Variants in ERBB4 observed in about 807,000 individuals in gnomAD.
ERBB4 encodes erb-b2 receptor tyrosine kinase 4.
ERBB4 carries 42 observed loss-of-function variants against 158.0 expected under a neutral mutation model. The ratio of observed to expected loss-of-function variants is 0.27; its 90% CI spans 0.21 to 0.34. The LOEUF (loss-of-function observed/expected upper bound fraction) is 0.34, where lower values mean the gene tolerates loss of function less well. ERBB4 is among the 10% of genes least tolerant of loss of function. The pLI is 1.00. For synonymous variants in ERBB4, 583 were observed against 558.7 expected, an observed-to-expected ratio of 1.04 and a Z score of -0.61; for missense variants, 1,333 against 1,624.1, an observed-to-expected ratio of 0.82 and a Z score of 3.08.
intron 3 of ERBB4, among the ~76,000 whole-genome samples, chr2:211,850,713 G>A (rs909744273): frequency 6.6e-6 from 1 of 151,904 alleles, no homozygotes; most frequent in Non-Finnish European, 1.5e-5. Context: ...GTAGGTATTT[G>A]ACATGTAGGG....
chr2:212,040,195 T>C, intron 2 of ERBB4, among the ~76,000 whole-genome samples: 1 of 152,162 alleles, frequency 6.6e-6, no homozygotes, highest in South Asian at 2.1e-4. Context: ...ATGAGTCTTT[T>C]TGCTTTAATT....
intron 1 of ERBB4, among the ~76,000 whole-genome samples, chr2:212,329,930 G>A (rs1290633093): frequency 6.6e-6 from 1 of 152,042 alleles, no homozygotes; most frequent in Non-Finnish European, 1.5e-5. Context: ...CTTTTCCAGT[G>A]TTACTGAGGA....
intron 1 of ERBB4, among the ~76,000 whole-genome samples, chr2:212,381,552 T>G (rs887817758): frequency 6.6e-6 from 1 of 151,328 alleles, no homozygotes; most frequent in African/African-American, 2.4e-5. Context: ...AATTGCAGCC[T>G]GTCTTCAAAT....
chr2:212,395,455 G>A (rs2090996655), intron 1 of ERBB4, among the ~76,000 whole-genome samples: 1 of 151,848 alleles, frequency 6.6e-6, no homozygotes, highest in Non-Finnish European at 1.5e-5. Flanking sequence ...TACTGATACT[G>A]AATCATGATG....
intron 2 of ERBB4, among the ~76,000 whole-genome samples, chr2:212,108,997 A>G (rs901812912): frequency 1.3e-5 from 2 of 152,018 alleles, no homozygotes; most frequent in Non-Finnish European, 2.9e-5. Flanking sequence ...AGAGATACAC[A>G]TTCAAGTCCT....
intron 16 of ERBB4, among the ~76,000 whole-genome samples, chr2:211,651,251 A>T (rs1361940219): frequency 1.3e-5 from 2 of 152,174 alleles, no homozygotes; most frequent in Non-Finnish European, 2.9e-5. Flanking sequence ...ACATTATTTG[A>T]AGATAGTTTA....
chr2:211,629,751 C>T (rs1012049076), intron 17 of ERBB4, among the ~76,000 whole-genome samples: 3 of 151,894 alleles, frequency 2.0e-5, no homozygotes, highest in African/African-American at 7.2e-5. Context: ...CGCCTATCTA[C>T]AACTATTTGA....
intron 1 of ERBB4, among the ~76,000 whole-genome samples, chr2:212,175,479 C>A (rs896736386): frequency 6.6e-6 from 1 of 151,864 alleles, no homozygotes; most frequent in African/African-American, 2.4e-5. Flanking sequence ...ACTAGATTTT[C>A]TATCATTAAG....
At chr2:211,690,550 A>C (rs551129712) in intron 12 of ERBB4, among the ~76,000 whole-genome samples, 24 of 152,174 alleles carry the variant, frequency 1.6e-4, no homozygotes, top group Non-Finnish European at 3.4e-4. Flanking sequence ...AATAAACAGG[A>C]AACCGTCATA....
Position 211,573,399 on chromosome 2 carries a change from G to A in ERBB4, c.2302-11311C>T, listed in dbSNP as rs185491646. 4.7e-4 allele frequency among the ~76,000 whole-genome samples: 71 copies of A among 152,158 alleles called. 1 individual carries two copies. The highest frequency in any genetic ancestry group is 1.7e-3 in the East Asian group (9 of 5,156). On this transcript the variant is annotated intron_variant, in intron 19 of 27. Transcript: ENST00000342788. ...AAATTGTTTCAGAAGCACCAGGTGC[G>A]GTGGCTCACACCTGTAATCCCAGCA...
intron 1 of ERBB4, among the ~76,000 whole-genome samples, chr2:212,410,776 G>A (rs565016980): frequency 1.3e-5 from 2 of 152,024 alleles, no homozygotes; most frequent in South Asian, 4.1e-4. Flanking sequence ...TTAAAATGCT[G>A]GTGAATTAAA....
At chr2:211,761,367 C>G (rs1402692437) in intron 4 of ERBB4, among the ~76,000 whole-genome samples, 1 of 152,052 alleles carries the variant, frequency 6.6e-6, no homozygotes, top group East Asian at 1.9e-4. Context: ...ACATCCACAG[C>G]AAAGAAGGAT....
At chr2:211,693,850 A>T (rs750619892) in intron 12 of ERBB4, among the ~76,000 whole-genome samples, 3 of 152,062 alleles carry the variant, frequency 2.0e-5, no homozygotes, top group Non-Finnish European at 4.4e-5. Context: ...TCAGAGGGAG[A>T]ATGTTCTATG....
intron 1 of ERBB4, among the ~76,000 whole-genome samples, chr2:212,395,578 T>G (rs996258883): frequency 2.0e-5 from 3 of 150,920 alleles, no homozygotes; most frequent in African/African-American, 4.9e-5. Flanking sequence ...GGCTTGGGAG[T>G]ATTAATGACA....
intron 20 of ERBB4, among the ~76,000 whole-genome samples, chr2:211,479,367 T>C (rs2065030148): frequency 6.6e-6 from 1 of 152,150 alleles, no homozygotes; most frequent in Non-Finnish European, 1.5e-5. Flanking sequence ...AAGACATTTT[T>C]TTCTTCTGAA....
chr2:211,882,807 G>C (rs2078698404), intron 3 of ERBB4, among the ~76,000 whole-genome samples: 1 of 152,138 alleles, frequency 6.6e-6, no homozygotes, highest in Non-Finnish European at 1.5e-5. Flanking sequence ...TGAAGAGACT[G>C]ACAGAAGACT....
intron 1 of ERBB4, among the ~76,000 whole-genome samples, chr2:212,463,687 C>A (rs1398554259): frequency 6.6e-6 from 1 of 152,026 alleles, no homozygotes. Context: ...CGTTACAATG[C>A]CCCAATACTG....
chr2:212,211,485 C>G (rs1353953611), intron 1 of ERBB4, among the ~76,000 whole-genome samples: 2 of 151,948 alleles, frequency 1.3e-5, no homozygotes, highest in Non-Finnish European at 2.9e-5. Context: ...CTGAGTTAGA[C>G]ATGTAGTCTA....
intron 12 of ERBB4, among the ~76,000 whole-genome samples, chr2:211,680,891 TCATA>T (rs2072308783): frequency 6.6e-6 from 1 of 152,178 alleles, no homozygotes; most frequent in South Asian, 2.1e-4. Context: ...AATATACTGC[TCATA>T]CATAAAGTAT....
Sources: gnomAD v4.1 joint callset for allele counts (sites outside exome capture counted in the v4.1 genomes callset) on GRCh38, gnomAD v4.1.1 for gene constraint, MANE v1.5 for transcripts, NCBI Gene and HGNC (gene_info 2026-07-23, HGNC 2026-07-21) for gene names.